SAMD4B: variants seen among roughly 807,000 people sequenced by gnomAD.
SAMD4B encodes sterile alpha motif domain containing 4B.
In SAMD4B, 5 loss-of-function variants were observed where a neutral mutation model predicts 74.5. The observed-to-expected ratio is 0.07, with a 90% CI of 0.04 to 0.14. The LOEUF (loss-of-function observed/expected upper bound fraction) is 0.14, where lower values mean the gene tolerates loss of function less well. Among genes scored for constraint, SAMD4B ranks in the 10% least tolerant of loss-of-function variants. The probability of loss-of-function intolerance (pLI) is 1.00; values close to 1 mark genes in which losing one functional copy is unlikely to be tolerated. For synonymous variants in SAMD4B, 373 were observed against 374.9 expected, an observed-to-expected ratio of 1.00 and a Z score of 0.06; for missense variants, 608 against 921.8, an observed-to-expected ratio of 0.66 and a Z score of 4.41.
chr19:39,371,033 G>C (rs1017450175), intron 4 of SAMD4B, among the ~76,000 whole-genome samples: 3 of 152,250 alleles, frequency 2.0e-5, no homozygotes, highest in Non-Finnish European at 2.9e-5. Flanking sequence ...CCTGCAGGCG[G>C]GAGTGAGCAG....
At chr19:39,377,949 C>T in intron 8 of SAMD4B, 125 bp downstream of exon 8, 8 of 943,720 alleles carry the variant, frequency 8.5e-6, no homozygotes, top group Non-Finnish European at 7.8e-6. Flanking sequence ...GAGACTGGAA[C>T]ACTACAGAGA....
chr19:39,363,367 G>A (rs571912244), intron 3 of SAMD4B, among the ~76,000 whole-genome samples: 1 of 152,160 alleles, frequency 6.6e-6, no homozygotes, highest in South Asian at 2.1e-4. Flanking sequence ...ATTGCTTGTT[G>A]TACTTCTAGC....
intron 4 of SAMD4B, among the ~76,000 whole-genome samples, chr19:39,371,115 A>G (rs891245431): frequency 1.3e-5 from 2 of 152,210 alleles, no homozygotes; most frequent in Non-Finnish European, 2.9e-5. Context: ...AGCCATGGTA[A>G]GGCAGCATGA....
At chr19:39,363,119 G>A (rs2076750413) in intron 3 of SAMD4B, among the ~76,000 whole-genome samples, 1 of 152,154 alleles carries the variant, frequency 6.6e-6, no homozygotes, top group Admixed American at 6.5e-5. Flanking sequence ...TGCTCTTAGA[G>A]CAGTCTCGAT....
At chr19:39,376,296 A>T in intron 5 of SAMD4B, 141 bp from the exon 6 acceptor site, 1 of 653,632 alleles carries the variant, frequency 1.5e-6, no homozygotes, top group Non-Finnish European at 2.7e-6. Context: ...GAAGGAGCTG[A>T]TGGAACCTTA....
chr19:39,346,680 G>A (rs2075723857), intron 1 of SAMD4B, among the ~76,000 whole-genome samples: 1 of 152,178 alleles, frequency 6.6e-6, no homozygotes, highest in African/African-American at 2.4e-5. Flanking sequence ...TCCATTCCAA[G>A]ATGGTAGTGC....
At chr19:39,353,687 C>T (rs1014545593) in intron 1 of SAMD4B, among the ~76,000 whole-genome samples, 2 of 152,076 alleles carry the variant, frequency 1.3e-5, no homozygotes, top group Non-Finnish European at 2.9e-5. Flanking sequence ...CTGCAGCCTC[C>T]ACCTCCCGGG....
chr19:39,349,609 C>T (rs532148508), intron 1 of SAMD4B, among the ~76,000 whole-genome samples: 5 of 152,198 alleles, frequency 3.3e-5, no homozygotes, highest in Non-Finnish European at 7.3e-5. Context: ...GCTCCCTTGG[C>T]TTCTGACAGT....
downstream of SAMD4B, among the ~76,000 whole-genome samples, chr19:39,387,554 C>A (rs2078279926): frequency 6.6e-6 from 1 of 152,194 alleles, no homozygotes; most frequent in African/African-American, 2.4e-5. Context: ...TTTTACATTT[C>A]CTGCCTGGCC....
rs895345845 is a variant in SAMD4B, at chr19:39,356,828, G to A, written c.-66G>A. 19 of 1,395,230 alleles carry A rather than the reference G, an allele frequency of 1.4e-5. No individual in the cohort carries two copies. The highest frequency in any genetic ancestry group is 5.4e-5 in the South Asian group (4 of 73,422). The allele number at this position is 1,395,230 out of a possible 1,614,324, so 86.4% of individuals were successfully genotyped here. On this transcript the variant is annotated 5_prime_UTR_variant, in exon 3 of 14. Coordinates refer to ENST00000610417, the MANE Select transcript of SAMD4B (RefSeq NM_001384574.2). ...GGAAAGGTAACAGGAGGCCAGAGCCGGGACCATGTGACGGCGCTGGCCCTC... is the reference window on the plus strand; with the variant it reads ...GGAAAGGTAACAGGAGGCCAGAGCCAGGACCATGTGACGGCGCTGGCCCTC...
chr19:39,376,019 G>A, intron 5 of SAMD4B, 130 bp downstream of exon 5: 1 of 1,237,274 alleles, frequency 8.1e-7, no homozygotes, highest in East Asian at 2.5e-5. Context: ...GGAGTAGATA[G>A]TCCCTGCTTT....
At chr19:39,357,382 T>G (rs2076394883) in intron 3 of SAMD4B, among the ~76,000 whole-genome samples, 1 of 152,096 alleles carries the variant, frequency 6.6e-6, no homozygotes, top group Non-Finnish European at 1.5e-5. Flanking sequence ...AGGAACAGAC[T>G]AAAGTCATTA....
rs2078222314 is a variant in SAMD4B, at chr19:39,385,419, G to C, written c.*1892G>C. ...CCGTCTCACACACACAGGGAGGCAA[G>C]AGCTGCCCCCCACCCCACCTGACAG... On this transcript the variant is annotated 3_prime_UTR_variant, in exon 14 of 14. Transcript: ENST00000610417. 2 of 415,224 alleles carry C rather than the reference G, an allele frequency of 4.8e-6. No individual in the cohort carries two copies. The highest frequency in any genetic ancestry group is 8.5e-6 in the Non-Finnish European group (2 of 234,962). 25.7% of individuals were successfully genotyped at this position (415,224 alleles called of 1,614,324 possible). A position where few individuals can be genotyped will look rare whatever the true frequency, so the allele number is the denominator to read the frequency against.
intron 4 of SAMD4B, among the ~76,000 whole-genome samples, chr19:39,373,711 C>A (rs1468673525): frequency 6.6e-6 from 1 of 152,176 alleles, no homozygotes; most frequent in Admixed American, 6.5e-5. Flanking sequence ...CCTGTAATCT[C>A]AGCACTTTGG....
In SAMD4B at chr19:39,357,084, G is replaced by A; in HGVS notation, c.191G>A (p.Ser64Asn). Residue 64 changes from serine to asparagine, a missense_variant, in exon 3 of 14, where the codon AGT (serine) becomes AAT (asparagine). Transcript: ENST00000610417. ...CACCTGCTGGAGTCGGAGGCCAACA[G>A]TGCTGGTGAGTTTCCACCCTTAGAG... ...DIHLLESEAN[S>N]AAIVSQWQQE... 1 of 1,605,826 alleles carries A rather than the reference G, an allele frequency of 6.2e-7. No homozygotes were observed. The highest frequency in any genetic ancestry group is 8.5e-7 in the Non-Finnish European group (1 of 1,173,658).
chr19:39,364,068 A>G (rs2076809980), intron 3 of SAMD4B, among the ~76,000 whole-genome samples: 1 of 152,132 alleles, frequency 6.6e-6, no homozygotes, highest in African/African-American at 2.4e-5. Flanking sequence ...CAGACACATG[A>G]ACACACATTT....
At chr19:39,358,536 C>T (rs1057050639) in intron 3 of SAMD4B, among the ~76,000 whole-genome samples, 4 of 151,684 alleles carry the variant, frequency 2.6e-5, no homozygotes, top group Admixed American at 1.3e-4. Flanking sequence ...AGGCATGAGC[C>T]ACCGCACCCA....
downstream of SAMD4B, chr19:39,386,495 TTCTTTC>T (rs1568372413): frequency 6.2e-7 from 1 of 1,614,162 alleles, no homozygotes; most frequent in Non-Finnish European, 8.5e-7. The surrounding 1 kb of genome is among the most constrained non-coding windows in gnomAD (Gnocchi z 6.1). Flanking sequence ...AGCCCCCAGC[TTCTTTC>T]TCTTCTGTCT....
chr19:39,371,312 T>C (rs570558417), intron 4 of SAMD4B, among the ~76,000 whole-genome samples: 6 of 152,322 alleles, frequency 3.9e-5, no homozygotes, highest in Admixed American at 2.6e-4. Flanking sequence ...CAGTTATTCC[T>C]TGAGCCTGTT....
Sources: allele counts gnomAD v4.1 joint callset (sites outside exome capture counted in the v4.1 genomes callset), GRCh38; gene constraint gnomAD v4.1.1; non-coding constraint Gnocchi (gnomAD v3.1); transcripts MANE v1.5; gene names NCBI Gene and HGNC (gene_info 2026-07-23, HGNC 2026-07-21).